Variants in EPRS1 observed in about 807,000 individuals in gnomAD.
EPRS1 encodes glutamyl-prolyl-tRNA synthetase 1, also known as bifunctional glutamate/proline--tRNA ligase.
Under a neutral mutation model 188.3 loss-of-function variants are expected in EPRS1, and 107 were observed. That is an observed-to-expected ratio of 0.57 (90% CI 0.49 to 0.67). The LOEUF is 0.67. EPRS1 is among the 30% of genes least tolerant of loss of function. The probability of loss-of-function intolerance (pLI) is 0.00; values close to 1 mark genes in which losing one functional copy is unlikely to be tolerated. For missense variants in EPRS1, 1,577 were observed against 1,802.2 expected, an observed-to-expected ratio of 0.88 and a Z score of 2.26; for synonymous variants, 596 against 593.1, an observed-to-expected ratio of 1.00 and a Z score of -0.07.
At chr1:220,034,816 A>C (rs563623469) in intron 3 of EPRS1, 98 bp downstream of exon 3, 15 of 773,550 alleles carry the variant, frequency 1.9e-5, no homozygotes, top group South Asian at 1.7e-4. Context: ...TAATATCCTT[A>C]AGTAGAATAG....
chr1:220,001,117 C>T lies in EPRS1; in HGVS notation c.2181+21G>A, dbSNP rs746001659. On this transcript the variant is annotated intron_variant, in intron 17 of 31. Coordinates refer to ENST00000366923, the MANE Select transcript of EPRS1 (RefSeq NM_004446.3). ...TAGAAAGACCATTTATTTTTATACA[C>T]ATATCCGTAAAAGTCATTACCTCAT... is the stretch of plus-strand genomic sequence containing the variant. 4 of 1,258,088 alleles carry T rather than the reference C, an allele frequency of 3.2e-6. No homozygotes were observed. In the South Asian group the frequency reaches 4.8e-5, roughly 15 times the overall value. 77.9% of individuals were successfully genotyped at this position (1,258,088 alleles called of 1,614,324 possible).
intron 17 of EPRS1, among the ~76,000 whole-genome samples, chr1:219,998,378 T>G (rs1020683212): frequency 6.6e-6 from 1 of 152,094 alleles, no homozygotes; most frequent in African/African-American, 2.4e-5. Flanking sequence ...AAAAAACCCA[T>G]CGCTCAAAAT....
intron 13 of EPRS1, among the ~76,000 whole-genome samples, chr1:220,008,825 A>G (rs1661546707): frequency 6.6e-6 from 1 of 152,054 alleles, no homozygotes; most frequent in Admixed American, 6.6e-5. Context: ...ATAAGCATGA[A>G]CCATAATGCC....
At chr1:220,014,093 C>T (rs1406294170) in intron 12 of EPRS1, among the ~76,000 whole-genome samples, 7 of 152,070 alleles carry the variant, frequency 4.6e-5, no homozygotes, top group South Asian at 2.1e-4. Flanking sequence ...TTTGGTAGGC[C>T]GAAGTGGGCG....
chr1:220,005,125 A>G, intron 16 of EPRS1, 123 bp downstream of exon 16: 1 of 416,140 alleles, frequency 2.4e-6, no homozygotes, highest in Non-Finnish European at 4.2e-6. Flanking sequence ...ATAAAATAAA[A>G]CTGAGAGACT....
At chr1:220,033,410 T>C (rs1425470241) in intron 4 of EPRS1, 92 bp downstream of exon 4, 7 of 885,998 alleles carry the variant, frequency 7.9e-6, no homozygotes, top group Non-Finnish European at 1.2e-5. Context: ...CACACACATA[T>C]ACATACATGC....
At chr1:220,044,564 A>C in intron 1 of EPRS1, among the ~76,000 whole-genome samples, 1 of 152,018 alleles carries the variant, frequency 6.6e-6, no homozygotes, top group East Asian at 1.9e-4. Context: ...GTGTCTACTA[A>C]AAAATACAAA....
intron 17 of EPRS1, among the ~76,000 whole-genome samples, chr1:219,999,810 C>A (rs1190868541): frequency 2.6e-5 from 4 of 152,062 alleles, no homozygotes; most frequent in Non-Finnish European, 5.9e-5. Context: ...CCCATCTCTA[C>A]TAAAAATATA....
At chr1:219,980,319 G>T in intron 25 of EPRS1, 79 bp from the exon 26 acceptor site, 3 of 1,082,342 alleles carry the variant, frequency 2.8e-6, no homozygotes, top group Non-Finnish European at 4.0e-6. Flanking sequence ...CACTACTTAA[G>T]ACTAATTGTG....
intron 15 of EPRS1, among the ~76,000 whole-genome samples, chr1:220,005,793 T>C (rs968557232): frequency 6.6e-6 from 1 of 150,788 alleles, no homozygotes; most frequent in African/African-American, 2.4e-5. Flanking sequence ...CTATCATCTA[T>C]AAAATGGAAA....
At chr1:219,984,557 T>C (rs1660966452) in intron 20 of EPRS1, among the ~76,000 whole-genome samples, 1 of 152,182 alleles carries the variant, frequency 6.6e-6, no homozygotes, top group South Asian at 2.1e-4. Flanking sequence ...TAGCTAGGAC[T>C]ACAGGTGCAT....
intron 17 of EPRS1, among the ~76,000 whole-genome samples, chr1:220,000,727 T>A (rs1390114190): frequency 6.6e-6 from 1 of 152,168 alleles, no homozygotes; most frequent in Non-Finnish European, 1.5e-5. Context: ...ATGCCTATAA[T>A]CCCAGCACTC....
intron 12 of EPRS1, 82 bp from the exon 13 acceptor site, chr1:220,011,138 A>G (rs1661597717): frequency 1.3e-6 from 1 of 754,024 alleles, no homozygotes; most frequent in Non-Finnish European, 2.3e-6. Context: ...GCACAGGAAT[A>G]CTAACTGGCT....
At position 220,017,985 on chromosome 1, in the gene EPRS1, A is replaced by T. The variant is rs1661755590; in HGVS notation, c.1494+464T>A. 46 of 402,472 alleles carry T rather than the reference A, an allele frequency of 1.1e-4. 1 individual carries two copies. Among genetic ancestry groups the T allele is most frequent in the South Asian group, 9.7e-4 (46 of 47,420 alleles). 24.9% of individuals were successfully genotyped at this position (402,472 alleles called of 1,614,324 possible). On this transcript the variant is annotated intron_variant, in intron 12 of 31. Transcript: ENST00000366923. Reference sequence around the variant, plus strand: ...AGAGGACATGGTTTTTAACACTAGGAATAATGCATTTTCAATGCGTTTGTA... The same window carrying T: ...AGAGGACATGGTTTTTAACACTAGGTATAATGCATTTTCAATGCGTTTGTA...
Position 219,983,338 on chromosome 1 carries a change from G to A in EPRS1, c.3151C>T (p.Pro1051Ser), listed in dbSNP as rs747525049. ...HDISGCYILR[P>S]WAYAIWEAIK... ...GCTTCCCAAATGGCATAGGCCCAGG[G>A]ACGAAGAATATAACAGCCACTTATG... The change falls in exon 22 of 32, where the codon CCC (proline) becomes TCC (serine). Residue 1051 changes from proline (P) to serine (S), a missense_variant. By Grantham distance (74) the Pro-to-Ser change is moderately conservative. Coordinates refer to ENST00000366923, the MANE Select transcript of EPRS1 (RefSeq NM_004446.3). 1.9e-5 allele frequency: 30 copies of A among 1,613,878 alleles called. No homozygotes were observed. The highest frequency in any genetic ancestry group is 4.4e-5 in the South Asian group (4 of 91,082).
At chr1:220,020,345 A>C in intron 9 of EPRS1, 124 bp from the exon 10 acceptor site, 1 of 655,020 alleles carries the variant, frequency 1.5e-6, no homozygotes, top group Non-Finnish European at 2.5e-6. Flanking sequence ...TTAAAAACCA[A>C]AAGGTTTTAT....
Position 220,007,427 on chromosome 1 carries a change from C to T in EPRS1, c.1606-89G>A, listed in dbSNP as rs911563067. The stretch of plus-strand genomic sequence containing the variant: ...TTTATACATTCATTCTATTCTTTAA[C>T]CATACAAAAGTCTTCTGTGTTACTA... On this transcript the variant is annotated intron_variant, in intron 13 of 31. Coordinates refer to ENST00000366923, the MANE Select transcript of EPRS1 (RefSeq NM_004446.3). 9.7e-6 allele frequency: 13 copies of T among 1,347,060 alleles called. No homozygotes were observed. In the East Asian group the frequency reaches 2.8e-4, roughly 29 times the overall value. 83.4% of individuals were successfully genotyped at this position (1,347,060 alleles called of 1,614,324 possible). A position where few individuals can be genotyped will look rare whatever the true frequency, so the allele number is the denominator to read the frequency against.
intron 1 of EPRS1, among the ~76,000 whole-genome samples, chr1:220,042,664 G>A (rs1005626530): frequency 6.6e-6 from 1 of 151,864 alleles, no homozygotes; most frequent in Admixed American, 6.6e-5. Flanking sequence ...GCTCATGCCT[G>A]TAATCCCAGC....
chr1:219,985,140 T>C (rs1660982521), intron 20 of EPRS1, among the ~76,000 whole-genome samples: 1 of 151,662 alleles, frequency 6.6e-6, no homozygotes. Flanking sequence ...GAAAGCCAAA[T>C]GTAACAAAAG....
Sources: gnomAD v4.1 joint callset for allele counts (sites outside exome capture counted in the v4.1 genomes callset) on GRCh38, gnomAD v4.1.1 for gene constraint, MANE v1.5 for transcripts, NCBI Gene and HGNC (gene_info 2026-07-23, HGNC 2026-07-21) for gene names.